Variants in HS6ST3 observed in about 807,000 individuals in gnomAD.
HS6ST3 encodes heparan-sulfate 6-O-sulfotransferase 3.
A neutral mutation model predicts 36.7 loss-of-function variants in HS6ST3; 12 were observed. The ratio of observed to expected loss-of-function variants is 0.33; its 90% CI spans 0.21 to 0.53. The LOEUF is 0.53. Among genes scored for constraint, HS6ST3 ranks in the 20% least tolerant of loss-of-function variants. The pLI, the probability that HS6ST3 is intolerant of heterozygous loss-of-function variation, is 0.95. For synonymous variants in HS6ST3, 240 were observed against 257.5 expected (o/e 0.93, Z 0.65); for missense variants, 584 against 640.9 (o/e 0.91, Z 0.96).
intron 1 of HS6ST3, among the ~76,000 whole-genome samples, chr13:96,406,794 G>A (rs2055480857): frequency 6.6e-6 from 1 of 152,174 alleles, no homozygotes; most frequent in African/African-American, 2.4e-5. Flanking sequence ...TCTTCTGTCA[G>A]AAGTTACTCT....
chr13:96,824,931 G>T (rs1878617278), intron 1 of HS6ST3, among the ~76,000 whole-genome samples: 1 of 152,178 alleles, frequency 6.6e-6, no homozygotes, highest in African/African-American at 2.4e-5. Context: ...AGTCAGGCAA[G>T]GTTCCCCCTC....
rs1475653665 is a variant in HS6ST3 at position 96,319,245 on chromosome 13, C to A, written c.707+227676C>A. On this transcript the variant is annotated intron_variant, in intron 1 of 1. Coordinates refer to ENST00000376705, the MANE Select transcript of HS6ST3 (RefSeq NM_153456.4). ...TCTTCTATAAATTGCTTTAACTTAT[C>A]TTTAACTTATCACAATATTTAACTT... Among the ~76,000 whole-genome samples, 3 of 152,272 alleles carry A rather than the reference C, an allele frequency of 2.0e-5. 1 individual carries two copies. Among genetic ancestry groups the A allele is most frequent in the African/African-American group, 7.2e-5 (3 of 41,568 alleles).
At chr13:96,637,665 C>T (rs1252975389) in intron 1 of HS6ST3, among the ~76,000 whole-genome samples, 1 of 152,084 alleles carries the variant, frequency 6.6e-6, no homozygotes, top group African/African-American at 2.4e-5. Context: ...ACTGAATACT[C>T]TCCAGGTACC....
At chr13:96,553,977 T>C (rs1049720335) in intron 1 of HS6ST3, among the ~76,000 whole-genome samples, 1 of 152,148 alleles carries the variant, frequency 6.6e-6, no homozygotes, top group African/African-American at 2.4e-5. Context: ...GGGAGGTCTG[T>C]GTGCGTGCGT....
intron 1 of HS6ST3, among the ~76,000 whole-genome samples, chr13:96,271,707 A>C (rs2054721218): frequency 6.6e-6 from 1 of 151,964 alleles, no homozygotes; most frequent in South Asian, 2.1e-4. Flanking sequence ...GTCTGAGAGA[A>C]TCTCCCAATC....
intron 1 of HS6ST3, among the ~76,000 whole-genome samples, chr13:96,340,504 A>G (rs1306698022): frequency 2.0e-5 from 3 of 152,222 alleles, no homozygotes; most frequent in Non-Finnish European, 4.4e-5. Context: ...AACGCCTGGC[A>G]TAGAGGGGGC....
intron 1 of HS6ST3, among the ~76,000 whole-genome samples, chr13:96,631,556 A>G (rs1353368381): frequency 1.3e-5 from 2 of 152,238 alleles, no homozygotes; most frequent in Admixed American, 1.3e-4. Context: ...CAGTTATTCT[A>G]TATGAAGATT....
intron 1 of HS6ST3, among the ~76,000 whole-genome samples, chr13:96,454,782 A>G (rs910441444): frequency 2.0e-5 from 3 of 151,920 alleles, no homozygotes; most frequent in Admixed American, 6.6e-5. Context: ...CTGACATTTT[A>G]AGACTTTGAG....
chr13:96,535,422 G>A (rs979835802), intron 1 of HS6ST3, among the ~76,000 whole-genome samples: 15 of 151,910 alleles, frequency 9.9e-5, no homozygotes, highest in Non-Finnish European at 7.4e-5. Context: ...GCTGAGCATG[G>A]TGGCACATGC....
intron 1 of HS6ST3, among the ~76,000 whole-genome samples, chr13:96,281,908 T>C (rs2054777739): frequency 6.6e-6 from 1 of 152,180 alleles, no homozygotes; most frequent in African/African-American, 2.4e-5. Context: ...AAGAGATCTG[T>C]AATAAGAATT....
intron 1 of HS6ST3, among the ~76,000 whole-genome samples, chr13:96,128,333 A>G (rs1039006918): frequency 3.9e-4 from 59 of 152,206 alleles, no homozygotes; most frequent in African/African-American, 1.4e-3. Context: ...GAAGGCAAAG[A>G]TTTGCCGATT....
At chr13:96,721,198 G>A (rs534984585) in intron 1 of HS6ST3, among the ~76,000 whole-genome samples, 32 of 152,246 alleles carry the variant, frequency 2.1e-4, no homozygotes, top group African/African-American at 7.7e-4. Context: ...TATCACCTGA[G>A]CATGAGGTGC....
intron 1 of HS6ST3, among the ~76,000 whole-genome samples, chr13:96,823,575 A>G (rs1197847338): frequency 6.6e-6 from 1 of 152,172 alleles, no homozygotes; most frequent in Non-Finnish European, 1.5e-5. Context: ...TATATATTTA[A>G]CTGTGCCTAT....
intron 1 of HS6ST3, among the ~76,000 whole-genome samples, chr13:96,161,060 AT>A (rs1185774667): frequency 2.0e-5 from 3 of 152,318 alleles, no homozygotes; most frequent in East Asian, 3.9e-4. Context: ...GCCAAGTAGC[AT>A]TTCTAGGCAT....
intron 1 of HS6ST3, among the ~76,000 whole-genome samples, chr13:96,742,453 A>G (rs906269369): frequency 6.6e-6 from 1 of 152,138 alleles, no homozygotes; most frequent in African/African-American, 2.4e-5. Context: ...TAAAACATAC[A>G]GACACAGACG....
intron 1 of HS6ST3, among the ~76,000 whole-genome samples, chr13:96,342,898 G>T (rs11618566): frequency 0.084 from 12,716 of 152,204 alleles, 579 homozygotes; most frequent in Middle Eastern, 0.12. Flanking sequence ...ATTTTAGAAG[G>T]TATATATCTT....
chr13:96,371,534 A>G (rs1328834103), intron 1 of HS6ST3, among the ~76,000 whole-genome samples: 5 of 152,150 alleles, frequency 3.3e-5, no homozygotes, highest in African/African-American at 1.2e-4. Flanking sequence ...ATTTTTAGCT[A>G]TAGTCACTAT....
chr13:96,340,760 A>G (rs941590501), intron 1 of HS6ST3, among the ~76,000 whole-genome samples: 1 of 152,224 alleles, frequency 6.6e-6, no homozygotes, highest in African/African-American at 2.4e-5. Context: ...GGCTTAACAT[A>G]CTATTCTATA....
At chr13:96,435,097 A>G (rs948142830) in intron 1 of HS6ST3, among the ~76,000 whole-genome samples, 3 of 152,138 alleles carry the variant, frequency 2.0e-5, no homozygotes, top group Non-Finnish European at 4.4e-5. Context: ...TCAGTGCTAA[A>G]AAATTCCTTG....
Sources: allele counts gnomAD v4.1 joint callset (sites outside exome capture counted in the v4.1 genomes callset), GRCh38; gene constraint gnomAD v4.1.1; transcripts MANE v1.5; gene names NCBI Gene and HGNC (gene_info 2026-07-23, HGNC 2026-07-21).